CCSER1: variants seen among roughly 807,000 people sequenced by gnomAD.
CCSER1 encodes serine-rich coiled-coil domain-containing protein 1.
A neutral mutation model predicts 82.0 loss-of-function variants in CCSER1; 41 were observed. The ratio of observed to expected loss-of-function variants is 0.50; its 90% CI spans 0.39 to 0.65. The LOEUF is 0.65. Ranked by LOEUF, CCSER1 falls within the 30% of genes least tolerant of loss-of-function variation. CCSER1 has a pLI of 0.00. For missense variants in CCSER1, 1,119 were observed against 1,064.2 expected (o/e 1.05, Z -0.72); for synonymous variants, 414 against 383.9 (o/e 1.08, Z -0.92).
intron 9 of CCSER1, chr4:91,015,348 CT>C (rs1283352326): frequency 6.6e-6 from 1 of 151,986 alleles, no homozygotes; most frequent in Non-Finnish European, 1.5e-5. Context: ...AATCAATTTG[CT>C]TTAACTAATA....
chr4:91,478,203 A>G (rs1444819066), intron 10 of CCSER1, among the ~76,000 whole-genome samples: 1 of 151,932 alleles, frequency 6.6e-6, no homozygotes, highest in East Asian at 1.9e-4. Flanking sequence ...ACTGATTTCA[A>G]TTATTTCTAT....
intron 6 of CCSER1, among the ~76,000 whole-genome samples, chr4:90,653,765 A>G (rs964422724): frequency 6.6e-6 from 1 of 152,158 alleles, no homozygotes; most frequent in African/African-American, 2.4e-5. Context: ...ACAAAAACGC[A>G]TTAGTTAATT....
At chr4:90,500,891 A>T (rs1400109566) in intron 5 of CCSER1, among the ~76,000 whole-genome samples, 1 of 152,126 alleles carries the variant, frequency 6.6e-6, no homozygotes, top group Non-Finnish European at 1.5e-5. Context: ...AATATATATG[A>T]TGATAATAAT....
intron 10 of CCSER1, among the ~76,000 whole-genome samples, chr4:91,453,876 C>G (rs1307919760): frequency 6.6e-6 from 1 of 152,012 alleles, no homozygotes; most frequent in Non-Finnish European, 1.5e-5. Flanking sequence ...CCTGGATACA[C>G]AAGTGGATGT....
At chr4:90,727,989 T>C (rs145814374) in intron 7 of CCSER1, among the ~76,000 whole-genome samples, 1 of 152,198 alleles carries the variant, frequency 6.6e-6, no homozygotes, top group Non-Finnish European at 1.5e-5. Flanking sequence ...AAGACTTTTG[T>C]AGCTTCAAAA....
In CCSER1 at chr4:90,348,160, A is replaced by G. The variant is rs903513003; in HGVS notation, c.1509+35113A>G. The stretch of plus-strand genomic sequence containing the variant: ...GGGAGAAGATCAGGAAAAATAACAA[A>G]TGGGTACTAGGTGAAATACCTGGGT... On this transcript the variant is annotated intron_variant, in intron 3 of 10. Transcript: ENST00000509176. Among the ~76,000 whole-genome samples the G allele has an allele frequency of 7.2e-5, 11 of 152,194 alleles. No homozygotes were observed. The East Asian group carries it at 2.1e-3, about 29-fold the overall frequency.
chr4:90,805,338 C>A lies in CCSER1; in HGVS notation c.2011-10424C>A, dbSNP rs534991673. Among the ~76,000 whole-genome samples, 9 of 139,540 alleles carry A rather than the reference C, an allele frequency of 6.4e-5. No individual in the cohort carries two copies. The East Asian group carries it at 2.0e-3, about 31-fold the overall frequency. The allele number at this position is 139,540 out of a possible 152,430, so 91.5% of individuals were successfully genotyped here. On this transcript the variant is annotated intron_variant, in intron 7 of 10. Coordinates refer to ENST00000509176, the MANE Select transcript of CCSER1 (RefSeq NM_001145065.2). ...ACAGTATTCAACACCCAGCATTCAA[C>A]ACCGGTTGATGTTGGGTGTCCTTTG...
rs181532326 is a variant in CCSER1, at chr4:90,498,933, G to A, written c.1724+30579G>A. ...ATTAGGCATCATTTTCTCATAAAACGTGAACAGACTTTTTAAAACTCCACT... is the reference window on the plus strand; with the variant it reads ...ATTAGGCATCATTTTCTCATAAAACATGAACAGACTTTTTAAAACTCCACT... On this transcript the variant is annotated intron_variant, in intron 5 of 10. Transcript: ENST00000509176. Among the ~76,000 whole-genome samples, 60 of 152,160 alleles carry A rather than the reference G, an allele frequency of 3.9e-4. No individual in the cohort carries two copies. In the East Asian group the frequency reaches 7.9e-3, roughly 20 times the overall value.
In CCSER1 at chr4:91,603,358, C is replaced by T. The variant is rs1764878379; in HGVS notation, c.*4301C>T. On this transcript the variant is annotated 3_prime_UTR_variant, in exon 11 of 11. Coordinates refer to ENST00000509176, the MANE Select transcript of CCSER1 (RefSeq NM_001145065.2). ...CAATACATTTGATCTCGTTAAGACC[C>T]CAGTTCTATTTCCAAGGCATGCAGC... 6.6e-6 allele frequency: 1 copy of T among 151,998 alleles called. No homozygotes were observed. The highest frequency in any genetic ancestry group is 2.4e-5 in the African/African-American group (1 of 41,412). The allele number at this position is 151,998 out of a possible 1,614,324, so 9.4% of individuals were successfully genotyped here. A position where few individuals can be genotyped will look rare whatever the true frequency, so the allele number is the denominator to read the frequency against.
chr4:90,203,197 T>C (rs1738098491), intron 1 of CCSER1, among the ~76,000 whole-genome samples: 1 of 152,164 alleles, frequency 6.6e-6, no homozygotes, highest in African/African-American at 2.4e-5. Flanking sequence ...TAGTTGATGA[T>C]TTTTTCTTTT....
At chr4:91,443,030 G>A (rs1469431698) in intron 10 of CCSER1, among the ~76,000 whole-genome samples, 1 of 152,124 alleles carries the variant, frequency 6.6e-6, no homozygotes, top group Non-Finnish European at 1.5e-5. Context: ...TGGTGGGACT[G>A]TAAACTATTT....
chr4:91,535,069 G>A (rs556868952), intron 10 of CCSER1, among the ~76,000 whole-genome samples: 1 of 151,870 alleles, frequency 6.6e-6, no homozygotes, highest in Admixed American at 6.6e-5. Flanking sequence ...TATAAATTAA[G>A]TGAACAATAA....
intron 3 of CCSER1, among the ~76,000 whole-genome samples, chr4:90,381,431 A>G (rs1749191700): frequency 6.6e-6 from 1 of 152,308 alleles, no homozygotes; most frequent in Non-Finnish European, 1.5e-5. Flanking sequence ...AAAAATATAA[A>G]GGCTGATTAC....
intron 9 of CCSER1, among the ~76,000 whole-genome samples, chr4:91,079,983 C>A (rs1326356978): frequency 6.6e-6 from 1 of 152,120 alleles, no homozygotes; most frequent in Non-Finnish European, 1.5e-5. Context: ...CTTTAACAAC[C>A]CCCTGTCAAC....
chr4:90,634,187 A>G (rs1444369563), intron 6 of CCSER1, among the ~76,000 whole-genome samples: 1 of 151,710 alleles, frequency 6.6e-6, no homozygotes, highest in Non-Finnish European at 1.5e-5. Context: ...AGCTGTATCT[A>G]TTCTAACAAA....
In CCSER1 at chr4:91,602,142, A is replaced by ATGAT. The variant is rs1764838526; in HGVS notation, c.*3089_*3092dup. 6.6e-6 allele frequency among the ~76,000 whole-genome samples: 1 copy of ATGAT among 152,032 alleles called. No homozygotes were observed. The highest frequency in any genetic ancestry group is 2.1e-4 in the South Asian group (1 of 4,828). ...TTATTCAAGTTATTTTTGTTATCTA[A>ATGAT]TGATTGACATGAAAATAAAATAGTA... On this transcript the variant is annotated 3_prime_UTR_variant, in exon 11 of 11. Transcript: ENST00000509176.
At chr4:90,782,685 C>CTTTT (rs61457393) in intron 7 of CCSER1, among the ~76,000 whole-genome samples, 9,241 of 133,236 alleles carry the variant, frequency 0.069, 464 homozygotes, top group Admixed American at 0.1. Context: ...TTCTTTCTTT[C>CTTTT]TTTTTTTTTT....
intron 10 of CCSER1, among the ~76,000 whole-genome samples, chr4:91,493,653 T>C (rs1388380968): frequency 2.0e-5 from 3 of 151,812 alleles, no homozygotes; most frequent in Non-Finnish European, 4.4e-5. Flanking sequence ...GTCTGTTTAC[T>C]GTCACTGGCA....
rs538331545 is a variant in CCSER1 at position 91,159,948 on chromosome 4, G to A, written c.2217+73954G>A. On this transcript the variant is annotated intron_variant, in intron 10 of 10. Transcript: ENST00000509176. ...GTTCTAGGGTACAAGTGCACAATGT[G>A]CAGGTTTGTTACCTAGGTATACATG... Among the ~76,000 whole-genome samples the A allele has an allele frequency of 1.4e-3, 213 of 151,970 alleles. 1 individual carries two copies. The highest frequency in any genetic ancestry group is 4.9e-3 in the African/African-American group (205 of 41,488).
Sources: allele counts gnomAD v4.1 joint callset (sites outside exome capture counted in the v4.1 genomes callset), GRCh38; gene constraint gnomAD v4.1.1; transcripts MANE v1.5; gene names NCBI Gene and HGNC (gene_info 2026-07-23, HGNC 2026-07-21).